The following VPS53 variants were observed in gnomAD, a reference collection of about 807,000 sequenced individuals.
The protein encoded by VPS53 is VPS53 subunit of GARP complex.
A neutral mutation model predicts 107.0 loss-of-function variants in VPS53; 70 were observed. That is an observed-to-expected ratio of 0.65 (90% CI 0.54 to 0.80). The LOEUF is 0.80. Among genes scored for constraint, VPS53 ranks in the 30% least tolerant of loss-of-function variants. The pLI, the probability that VPS53 is intolerant of heterozygous loss-of-function variation, is 0.00. For missense variants in VPS53, 917 were observed against 1,049.4 expected (o/e 0.87, Z 1.74); for synonymous variants, 409 against 393.3 (o/e 1.04, Z -0.47).
chr17:552,625 G>A lies in VPS53; in HGVS notation c.1788-675C>T, dbSNP rs180968694. On this transcript the variant is annotated intron_variant, in intron 16 of 21. Transcript: ENST00000437048. The stretch of plus-strand genomic sequence containing the variant: ...TTTATACTTTAAAACACTGAAGGTA[G>A]GCCTGGCCTTCTGTGGGTTTAGGTG... 2.3e-3 allele frequency: 356 copies of A among 156,074 alleles called. 2 individuals carry two copies. The highest frequency in any genetic ancestry group is 5.7e-3 in the Admixed American group (90 of 15,760). 9.7% of individuals were successfully genotyped at this position (156,074 alleles called of 1,614,324 possible).
At chr17:662,233 G>A (rs1043686985) in intron 4 of VPS53, among the ~76,000 whole-genome samples, 16 of 152,196 alleles carry the variant, frequency 1.1e-4, no homozygotes, top group African/African-American at 3.1e-4. Context: ...CTCACACAGA[G>A]GGACAGGGGT....
rs1907810509 is a variant in VPS53, at chr17:509,579, C to T, written c.*9549G>A. 6.1e-6 allele frequency: 1 copy of T among 163,746 alleles called. No homozygotes were observed. Among genetic ancestry groups the T allele is most frequent in the Admixed American group, 6.7e-5 (1 of 14,938 alleles). The allele number at this position is 163,746 out of a possible 1,614,324, so 10.1% of individuals were successfully genotyped here. A position where few individuals can be genotyped will look rare whatever the true frequency, so the allele number is the denominator to read the frequency against. On this transcript the variant is annotated 3_prime_UTR_variant, in exon 22 of 22. Coordinates refer to ENST00000437048, the MANE Select transcript of VPS53 (RefSeq NM_001128159.3). The stretch of plus-strand genomic sequence containing the variant: ...AAATCCTGGCTCACTCCTCACTACT[C>T]ACATATCGAATCCTGGCTCACCCCT...
At chr17:702,607 G>A (rs575841978) in intron 2 of VPS53, among the ~76,000 whole-genome samples, 15 of 152,050 alleles carry the variant, frequency 9.9e-5, no homozygotes, top group East Asian at 3.9e-4. Flanking sequence ...CAGAGGTTGC[G>A]GTGAGCCGAG....
chr17:598,159 C>T (rs373633174), intron 12 of VPS53, among the ~76,000 whole-genome samples: 4 of 152,230 alleles, frequency 2.6e-5, no homozygotes, highest in African/African-American at 7.2e-5. Context: ...GACGGGGTTT[C>T]GCTGGGTTGG....
chr17:623,797 G>A (rs1969571459), intron 10 of VPS53, 123 bp from the exon 11 acceptor site: 2 of 1,058,754 alleles, frequency 1.9e-6, no homozygotes, highest in South Asian at 2.1e-5. Flanking sequence ...CAAACCCTGA[G>A]GTCTGTTACC....
intron 4 of VPS53, among the ~76,000 whole-genome samples, chr17:689,867 G>A (rs1208342679): frequency 2.0e-5 from 3 of 152,182 alleles, no homozygotes; most frequent in African/African-American, 4.8e-5. Flanking sequence ...GTACTTTGCT[G>A]CTTTAGTTCA....
At chr17:657,230 T>A in intron 5 of VPS53, 1 of 1,281,914 alleles carries the variant, frequency 7.8e-7, no homozygotes, top group African/African-American at 1.5e-5. Context: ...TTGTACTTGG[T>A]CTCCTCAGGT....
chr17:624,017 C>CTT (rs201579151), intron 10 of VPS53, among the ~76,000 whole-genome samples: 2 of 144,158 alleles, frequency 1.4e-5, no homozygotes, highest in East Asian at 2.0e-4. Flanking sequence ...TCAAATGATT[C>CTT]TTTTTTTTTT....
At chr17:552,351 TTCG>T (rs1911905900) in intron 16 of VPS53, among the ~76,000 whole-genome samples, 2 of 151,970 alleles carry the variant, frequency 1.3e-5, no homozygotes, top group Non-Finnish European at 1.5e-5. Flanking sequence ...ATTTTGATTC[TTCG>T]TCAATAAGTG....
chr17:542,549 T>C (rs1420258414), intron 17 of VPS53, among the ~76,000 whole-genome samples: 1 of 152,246 alleles, frequency 6.6e-6, no homozygotes, highest in Admixed American at 6.5e-5. Flanking sequence ...CAGTAAATTT[T>C]AGCTACTGTT....
intron 11 of VPS53, among the ~76,000 whole-genome samples, chr17:609,956 T>C (rs373236114): frequency 3.3e-5 from 5 of 151,570 alleles, no homozygotes; most frequent in African/African-American, 1.2e-4. Context: ...GGTGAAACCG[T>C]CTCTACTAAA....
chr17:621,406 T>G (rs1001273169), intron 11 of VPS53, among the ~76,000 whole-genome samples: 3 of 152,244 alleles, frequency 2.0e-5, no homozygotes, highest in Non-Finnish European at 2.9e-5. Flanking sequence ...TTGTGCATCT[T>G]CCTCTACATG....
At chr17:577,153 C>A (rs1914694741) in intron 13 of VPS53, among the ~76,000 whole-genome samples, 1 of 150,906 alleles carries the variant, frequency 6.6e-6, no homozygotes, top group African/African-American at 2.4e-5. Flanking sequence ...CCCAGAAAAC[C>A]TCCTTCAGAA....
chr17:657,084 T>G, intron 5 of VPS53: 1 of 1,002,640 alleles, frequency 1.0e-6, no homozygotes, highest in East Asian at 2.4e-5. Context: ...TCGGTCATCT[T>G]GCCAGTCTCC....
chr17:711,264 C>T (rs1360063904), intron 1 of VPS53, among the ~76,000 whole-genome samples: 1 of 152,216 alleles, frequency 6.6e-6, no homozygotes, highest in African/African-American at 2.4e-5. Context: ...CTGAAGAACA[C>T]GCAACAAGGT....
chr17:573,347 T>G (rs935166826), intron 13 of VPS53, among the ~76,000 whole-genome samples: 1 of 152,260 alleles, frequency 6.6e-6, no homozygotes, highest in Non-Finnish European at 1.5e-5. Context: ...TAAGGACGGC[T>G]TAGCCCAACC....
At chr17:622,439 C>G (rs916691200) in intron 11 of VPS53, among the ~76,000 whole-genome samples, 1 of 151,936 alleles carries the variant, frequency 6.6e-6, no homozygotes, top group Admixed American at 6.6e-5. Flanking sequence ...GTATGATTCT[C>G]TCAACTTGGA....
At chr17:588,024 G>C (rs1967417765) in intron 12 of VPS53, among the ~76,000 whole-genome samples, 1 of 151,990 alleles carries the variant, frequency 6.6e-6, no homozygotes, top group African/African-American at 2.4e-5. Flanking sequence ...TATTACTTGT[G>C]GTAAGAATGC....
intron 11 of VPS53, among the ~76,000 whole-genome samples, chr17:614,173 C>T (rs1296899729): frequency 6.6e-6 from 1 of 152,180 alleles, no homozygotes; most frequent in Non-Finnish European, 1.5e-5. Flanking sequence ...ACAGAAATGT[C>T]CTGGAGTTGC....
Sources: allele counts gnomAD v4.1 joint callset (sites outside exome capture counted in the v4.1 genomes callset), GRCh38; gene constraint gnomAD v4.1.1; transcripts MANE v1.5; gene names NCBI Gene and HGNC (gene_info 2026-07-23, HGNC 2026-07-21).